The following GABRB1 variants were observed in gnomAD, a reference collection of about 807,000 sequenced individuals.
GABRB1 encodes the protein gamma-aminobutyric acid type A receptor subunit beta1, also known as gamma-aminobutyric acid receptor subunit beta-1.
Under a neutral mutation model 51.6 loss-of-function variants are expected in GABRB1, and 17 were observed. That is an observed-to-expected ratio of 0.33 (90% CI 0.23 to 0.49). The LOEUF (loss-of-function observed/expected upper bound fraction) is 0.49, where lower values mean the gene tolerates loss of function less well. Ranked by LOEUF, GABRB1 falls within the 20% of genes least tolerant of loss-of-function variation. The probability of loss-of-function intolerance (pLI) is 0.99; values close to 1 mark genes in which losing one functional copy is unlikely to be tolerated. For missense variants in GABRB1, 410 were observed against 600.6 expected (o/e 0.68, Z 3.32); for synonymous variants, 247 against 218.9 (o/e 1.13, Z -1.14).
chr4:47,387,534 C>T (rs988952535), intron 5 of GABRB1, among the ~76,000 whole-genome samples: 4 of 152,148 alleles, frequency 2.6e-5, no homozygotes, highest in Non-Finnish European at 5.9e-5. Context: ...AATTATCAAA[C>T]TGGCTCGATA....
At chr4:47,005,049 C>T (rs549350446) in intron 1 of GABRB1, among the ~76,000 whole-genome samples, 1 of 152,246 alleles carries the variant, frequency 6.6e-6, no homozygotes, top group East Asian at 1.9e-4. Context: ...AGGGGGAGGC[C>T]AGACACACCT....
chr4:47,378,028 G>C (rs926398513), intron 5 of GABRB1, among the ~76,000 whole-genome samples: 1 of 152,224 alleles, frequency 6.6e-6, no homozygotes, highest in African/African-American at 2.4e-5. Context: ...CTGCCAGTCC[G>C]GCACCGTGCG....
intron 3 of GABRB1, among the ~76,000 whole-genome samples, chr4:47,051,856 A>T (rs1298742001): frequency 1.3e-5 from 2 of 152,050 alleles, no homozygotes; most frequent in African/African-American, 4.8e-5. Context: ...AGGCTGGGTG[A>T]CATGACTCAC....
intron 3 of GABRB1, among the ~76,000 whole-genome samples, chr4:47,126,056 TTGTA>T (rs1167335275): frequency 1.3e-5 from 2 of 151,824 alleles, no homozygotes; most frequent in Non-Finnish European, 2.9e-5. Flanking sequence ...GTGTATTGCA[TTGTA>T]TGTGTGAATA....
chr4:47,076,890 C>T (rs372180342), intron 3 of GABRB1, among the ~76,000 whole-genome samples: 10 of 152,268 alleles, frequency 6.6e-5, no homozygotes, highest in African/African-American at 9.6e-5. Flanking sequence ...TCTAAAGAAG[C>T]TCATTGAAGA....
intron 3 of GABRB1, among the ~76,000 whole-genome samples, chr4:47,092,153 CTTTCTTTCTTTCT>C (rs1177856239): frequency 2.0e-5 from 2 of 102,172 alleles, no homozygotes; most frequent in African/African-American, 4.4e-5. Context: ...TTCTTTCTTT[CTTTCTTTCTTTCT>C]TTTTTTTTTT....
intron 4 of GABRB1, among the ~76,000 whole-genome samples, chr4:47,202,310 G>T (rs1002907557): frequency 6.6e-6 from 1 of 152,108 alleles, no homozygotes; most frequent in African/African-American, 2.4e-5. Context: ...TGCCATGATT[G>T]TAAGTTTCCT....
chr4:47,115,000 C>T (rs1304708510), intron 3 of GABRB1, among the ~76,000 whole-genome samples: 1 of 152,140 alleles, frequency 6.6e-6, no homozygotes, highest in Non-Finnish European at 1.5e-5. Flanking sequence ...TCTTTAAGCT[C>T]TTTAAATATG....
intron 4 of GABRB1, among the ~76,000 whole-genome samples, chr4:47,283,653 G>A (rs1375322060): frequency 6.6e-6 from 1 of 151,810 alleles, no homozygotes; most frequent in Non-Finnish European, 1.5e-5. Flanking sequence ...CTCCCAAAGT[G>A]CTGGGATTAC....
intron 4 of GABRB1, among the ~76,000 whole-genome samples, chr4:47,229,099 T>C (rs1361937968): frequency 6.6e-6 from 1 of 152,150 alleles, no homozygotes; most frequent in African/African-American, 2.4e-5. Flanking sequence ...ATGGTCTGCC[T>C]GACTTCAAAA....
intron 4 of GABRB1, among the ~76,000 whole-genome samples, chr4:47,289,600 A>G (rs1169504875): frequency 6.6e-6 from 1 of 152,190 alleles, no homozygotes; most frequent in African/African-American, 2.4e-5. Context: ...ACACACTAAA[A>G]TAGTATTGGA....
intron 3 of GABRB1, among the ~76,000 whole-genome samples, chr4:47,052,848 A>C (rs972214607): frequency 3.3e-5 from 5 of 152,236 alleles, no homozygotes; most frequent in Non-Finnish European, 5.9e-5. Flanking sequence ...GGCAACAGAA[A>C]GAAAAAATAG....
chr4:47,399,713 G>T (rs1728314041), intron 5 of GABRB1, among the ~76,000 whole-genome samples: 1 of 152,098 alleles, frequency 6.6e-6, no homozygotes, highest in Non-Finnish European at 1.5e-5. Flanking sequence ...TGGTATTTTG[G>T]CAGGGAGTAG....
chr4:47,188,036 G>A (rs958854360), intron 4 of GABRB1, among the ~76,000 whole-genome samples: 9 of 151,766 alleles, frequency 5.9e-5, no homozygotes, highest in Admixed American at 2.6e-4. Flanking sequence ...TTCAAATCAC[G>A]TATTTGTTGG....
intron 7 of GABRB1, among the ~76,000 whole-genome samples, chr4:47,406,382 T>C (rs1400157636): frequency 6.6e-6 from 1 of 152,208 alleles, no homozygotes; most frequent in East Asian, 1.9e-4. Flanking sequence ...ATAGCAGGAT[T>C]TCAATGGGAT....
intron 4 of GABRB1, among the ~76,000 whole-genome samples, chr4:47,222,092 T>A (rs1720789870): frequency 6.6e-6 from 1 of 152,132 alleles, no homozygotes; most frequent in Non-Finnish European, 1.5e-5. Flanking sequence ...CAAATGTACA[T>A]CTGTTTACGG....
chr4:47,374,671 C>T (rs150753469), intron 5 of GABRB1, among the ~76,000 whole-genome samples: 324 of 152,280 alleles, frequency 2.1e-3, no homozygotes, highest in Middle Eastern at 0.02. Flanking sequence ...TCCTAAATAA[C>T]ACTGACTAAG....
intron 4 of GABRB1, among the ~76,000 whole-genome samples, chr4:47,285,870 G>A (rs1373192070): frequency 6.6e-6 from 1 of 152,192 alleles, no homozygotes; most frequent in African/African-American, 2.4e-5. Flanking sequence ...TGTTTTTTAT[G>A]TATGAATGAA....
intron 4 of GABRB1, among the ~76,000 whole-genome samples, chr4:47,304,435 T>C (rs1235955410): frequency 6.6e-6 from 1 of 152,142 alleles, no homozygotes; most frequent in African/African-American, 2.4e-5. Flanking sequence ...TGTCTGCTTT[T>C]GAGAAGTATC....
Sources: allele counts gnomAD v4.1 joint callset (sites outside exome capture counted in the v4.1 genomes callset), GRCh38; gene constraint gnomAD v4.1.1; transcripts MANE v1.5; gene names NCBI Gene and HGNC (gene_info 2026-07-23, HGNC 2026-07-21).